The following RSPO3 variants were observed in gnomAD, a reference collection of about 807,000 sequenced individuals.
RSPO3 encodes the protein R-spondin 3, also known as R-spondin-3.
In RSPO3, 17 loss-of-function variants were observed where a neutral mutation model predicts 36.5. The observed-to-expected ratio is 0.47, with a 90% CI of 0.32 to 0.70. RSPO3 has a LOEUF of 0.70. Among genes scored for constraint, RSPO3 ranks in the 30% least tolerant of loss-of-function variants. The pLI, the probability that RSPO3 is intolerant of heterozygous loss-of-function variation, is 0.04. For synonymous variants in RSPO3, 108 were observed against 107.0 expected, an observed-to-expected ratio of 1.01 and a Z score of -0.06; for missense variants, 294 against 322.5, an observed-to-expected ratio of 0.91 and a Z score of 0.68.
At chr6:127,120,145 C>G (rs1582780224) in intron 1 of RSPO3, among the ~76,000 whole-genome samples, 1 of 152,182 alleles carries the variant, frequency 6.6e-6, no homozygotes, top group Non-Finnish European at 1.5e-5. Flanking sequence ...CTTCTTAAGA[C>G]GGTGTCCTAG....
intron 1 of RSPO3, among the ~76,000 whole-genome samples, chr6:127,124,137 T>C (rs918866431): frequency 1.3e-5 from 2 of 152,046 alleles, no homozygotes; most frequent in Non-Finnish European, 2.9e-5. Flanking sequence ...AATACACCTC[T>C]GCAATTATAA....
At chr6:127,123,202 G>T (rs990008259) in intron 1 of RSPO3, among the ~76,000 whole-genome samples, 1 of 152,088 alleles carries the variant, frequency 6.6e-6, no homozygotes, top group East Asian at 1.9e-4. Context: ...TGATTATGTT[G>T]TGAATCCTGG....
chr6:127,144,643 G>GTTTTTTTGTTTTTTTTTTTTTTTTTT (rs763226451), intron 1 of RSPO3, among the ~76,000 whole-genome samples: 1 of 99,130 alleles, frequency 1.0e-5, no homozygotes, highest in African/African-American at 4.2e-5. Context: ...GCTTCCCCTT[G>GTTTTTTTGTTTTTTTTTTTTTTTTTT]TTTTTTTTTT....
chr6:127,156,379 A>C (rs911377169), intron 4 of RSPO3, among the ~76,000 whole-genome samples: 1 of 152,160 alleles, frequency 6.6e-6, no homozygotes, highest in African/African-American at 2.4e-5. Flanking sequence ...GAAGACCCTC[A>C]GTTGCCGATC....
At chr6:127,139,558 T>TTTTTCTATATATATATATA (rs1774228001) in intron 1 of RSPO3, among the ~76,000 whole-genome samples, 1 of 150,468 alleles carries the variant, frequency 6.6e-6, no homozygotes. Flanking sequence ...TTTTTTAAGG[T>TTTTTCTATATATATATATA]TAGAAAAAAA....
At chr6:127,130,337 G>T (rs1774026044) in intron 1 of RSPO3, among the ~76,000 whole-genome samples, 1 of 152,060 alleles carries the variant, frequency 6.6e-6, no homozygotes, top group Non-Finnish European at 1.5e-5. Flanking sequence ...ATTCCTTTAT[G>T]GTTCAGAATG....
intron 4 of RSPO3, among the ~76,000 whole-genome samples, chr6:127,158,043 A>T (rs1011863618): frequency 1.7e-4 from 26 of 151,124 alleles, no homozygotes; most frequent in African/African-American, 5.8e-4. Context: ...TATAATAAAA[A>T]TATCTTGAAA....
chr6:127,119,319 C>T (rs1232993565), intron 1 of RSPO3, 30 bp downstream of exon 1: 3 of 1,530,770 alleles, frequency 2.0e-6, no homozygotes, highest in Non-Finnish European at 2.7e-6. Flanking sequence ...CGCGTTTGCT[C>T]CCTCCCGCCG....
intron 1 of RSPO3, among the ~76,000 whole-genome samples, chr6:127,139,538 A>AT (rs1774226554): frequency 7.5e-6 from 1 of 133,668 alleles, no homozygotes; most frequent in South Asian, 2.4e-4. Context: ...CCTTAAAAAA[A>AT]ATATATCTTT....
At chr6:127,193,000 A>T (rs973754324) in intron 4 of RSPO3, among the ~76,000 whole-genome samples, 1 of 152,184 alleles carries the variant, frequency 6.6e-6, no homozygotes, top group African/African-American at 2.4e-5. Flanking sequence ...TATTTCTTAC[A>T]CAAGCAGAAA....
chr6:127,176,387 G>A (rs988194317), intron 4 of RSPO3, among the ~76,000 whole-genome samples: 5 of 151,788 alleles, frequency 3.3e-5, no homozygotes, highest in South Asian at 2.1e-4. Flanking sequence ...ATACAAGCTC[G>A]TAACAAAAGG....
rs201498104 is a variant in RSPO3, at chr6:127,155,355, C to T, written c.551C>T (p.Ser184Leu). Residue 184 changes from serine to leucine, a missense_variant, in exon 4 of 5, where the codon TCA (serine) becomes TTA (leucine). This residue lies in a region of RSPO3 where 190 missense variants were observed against 185.2 expected (regional missense o/e 1.03). Coordinates refer to ENST00000356698, the MANE Select transcript of RSPO3 (RefSeq NM_032784.5). ...GTCCGAGAAATAATACAGCATCCTT[C>T]AGCAAAGGGTAACCTGTGTCCCCCA... ...TRVREIIQHP[S>L]AKGNLCPPTN... The T allele has an allele frequency of 4.3e-6, 7 of 1,613,864 alleles. No homozygotes were observed. The highest frequency in any genetic ancestry group is 2.2e-5 in the East Asian group (1 of 44,838).
intron 1 of RSPO3, 82 bp from the exon 2 acceptor site, chr6:127,148,566 G>T: frequency 5.5e-6 from 6 of 1,087,912 alleles, no homozygotes; most frequent in Non-Finnish European, 7.7e-6. Context: ...TAATGAAAGA[G>T]AACATATATC....
At chr6:127,122,747 A>C (rs1773869376) in intron 1 of RSPO3, among the ~76,000 whole-genome samples, 1 of 152,206 alleles carries the variant, frequency 6.6e-6, no homozygotes, top group Non-Finnish European at 1.5e-5. Context: ...GAAATTTTTG[A>C]ACTCATTATT....
At chr6:127,189,116 T>C (rs1238418489) in intron 4 of RSPO3, among the ~76,000 whole-genome samples, 2 of 152,254 alleles carry the variant, frequency 1.3e-5, no homozygotes, top group East Asian at 3.9e-4. Context: ...AAAGTGTGTG[T>C]TGAATTGTAG....
chr6:127,194,517 T>C (rs1775473816), intron 4 of RSPO3, among the ~76,000 whole-genome samples: 1 of 152,188 alleles, frequency 6.6e-6, no homozygotes, highest in Admixed American at 6.5e-5. Context: ...AGACTACATA[T>C]ATAAAAGGTG....
chr6:127,176,359 A>C (rs1404507947), intron 4 of RSPO3, among the ~76,000 whole-genome samples: 1 of 151,776 alleles, frequency 6.6e-6, no homozygotes, highest in Non-Finnish European at 1.5e-5. Flanking sequence ...GCAATGACTA[A>C]GCAGAAAAGG....
chr6:127,153,421 A>G (rs1774529528), intron 3 of RSPO3, among the ~76,000 whole-genome samples: 1 of 151,954 alleles, frequency 6.6e-6, no homozygotes, highest in African/African-American at 2.4e-5. Flanking sequence ...TCTCTAAGAT[A>G]AATTCACCTC....
intron 4 of RSPO3, among the ~76,000 whole-genome samples, chr6:127,161,993 C>T (rs1026974871): frequency 6.6e-6 from 1 of 152,160 alleles, no homozygotes; most frequent in Non-Finnish European, 1.5e-5. Flanking sequence ...CTGAGACCTA[C>T]TGGGCAATTT....
Sources: allele counts gnomAD v4.1 joint callset (sites outside exome capture counted in the v4.1 genomes callset), GRCh38; gene constraint gnomAD v4.1.1; regional missense constraint gnomAD v4.1.1; transcripts MANE v1.5; gene names NCBI Gene and HGNC (gene_info 2026-07-23, HGNC 2026-07-21).